The following SIPA1L3 variants were observed in gnomAD, a reference collection of about 807,000 sequenced individuals.
The protein encoded by SIPA1L3 is signal-induced proliferation-associated 1-like protein 3.
Under a neutral mutation model 150.1 loss-of-function variants are expected in SIPA1L3, and 59 were observed. The observed-to-expected ratio is 0.39, with a 90% CI of 0.32 to 0.49. SIPA1L3 has a LOEUF of 0.49. Ranked by LOEUF, SIPA1L3 falls within the 20% of genes least tolerant of loss-of-function variation. The pLI is 0.86. For synonymous variants in SIPA1L3, 1,070 were observed against 1,077.6 expected, an observed-to-expected ratio of 0.99 and a Z score of 0.14; for missense variants, 2,211 against 2,489.5, an observed-to-expected ratio of 0.89 and a Z score of 2.38.
intron 16 of SIPA1L3, among the ~76,000 whole-genome samples, chr19:38,191,205 G>T (rs1220720490): frequency 1.3e-5 from 2 of 150,912 alleles, no homozygotes; most frequent in Non-Finnish European, 3.0e-5. Context: ...CCAGGAGTTT[G>T]GGACTAGCCT....
Position 38,201,969 on chromosome 19 carries a change from C to T in SIPA1L3, c.5092C>T (p.Pro1698Ser). 6.2e-7 allele frequency: 1 copy of T among 1,613,428 alleles called. No homozygotes were observed. The highest frequency in any genetic ancestry group is 8.5e-7 in the Non-Finnish European group (1 of 1,179,726). Residue 1698 changes from proline (P) to serine (S), a missense_variant, in exon 20 of 22, where the codon CCG (proline) becomes TCG (serine). This residue lies in a region of SIPA1L3 where 806 missense variants were observed against 870.1 expected (regional missense o/e 0.93). Transcript: ENST00000222345. ...HSHLSLERGP[P>S]TPRTTPTMSE... ...CCACCTGAGCCTGGAGAGGGGACCC[C>T]CGACCCCCAGGACCACCCCTACCAT...
chr19:37,965,768 CTGA>C (rs1345178856), intron 1 of SIPA1L3, among the ~76,000 whole-genome samples: 1 of 129,650 alleles, frequency 7.7e-6, no homozygotes, highest in Non-Finnish European at 1.5e-5. Flanking sequence ...TGGAATTTTT[CTGA>C]TGTCGGTATC....
intron 9 of SIPA1L3, among the ~76,000 whole-genome samples, chr19:38,125,812 G>A: frequency 6.6e-6 from 1 of 152,186 alleles, no homozygotes; most frequent in East Asian, 1.9e-4. Context: ...GGCCAGTGCT[G>A]GGACATAGTG....
chr19:38,035,219 T>A (rs1968752983), intron 2 of SIPA1L3, among the ~76,000 whole-genome samples: 1 of 152,224 alleles, frequency 6.6e-6, no homozygotes, highest in Non-Finnish European at 1.5e-5. Flanking sequence ...ACAGCTCTCC[T>A]TTCTGAACTT....
chr19:38,004,497 T>G (rs979690515), intron 1 of SIPA1L3, among the ~76,000 whole-genome samples: 7 of 152,234 alleles, frequency 4.6e-5, no homozygotes, highest in African/African-American at 1.7e-4. Flanking sequence ...CTTCTGTCTC[T>G]TTATTGTTCC....
chr19:37,908,660 A>G (rs558820729), intron 1 of SIPA1L3, among the ~76,000 whole-genome samples: 2 of 151,936 alleles, frequency 1.3e-5, no homozygotes, highest in South Asian at 4.2e-4. Context: ...TTGTACCTAC[A>G]TGGCAGAGTG....
chr19:37,944,886 G>C (rs2046695672), intron 1 of SIPA1L3, among the ~76,000 whole-genome samples: 1 of 152,126 alleles, frequency 6.6e-6, no homozygotes. Context: ...GGAGGCGGAG[G>C]TTGGAGTAAG....
chr19:38,099,009 C>T (rs1223483685), intron 4 of SIPA1L3, among the ~76,000 whole-genome samples: 2 of 151,920 alleles, frequency 1.3e-5, no homozygotes, highest in South Asian at 4.2e-4. Flanking sequence ...CCTACCCTCC[C>T]TCCTTTCTTT....
intron 4 of SIPA1L3, among the ~76,000 whole-genome samples, chr19:38,092,641 G>A (rs1007500861): frequency 1.3e-5 from 2 of 152,176 alleles, no homozygotes; most frequent in Non-Finnish European, 2.9e-5. Flanking sequence ...CCATTCCACA[G>A]ACATTTGCTC....
intron 1 of SIPA1L3, among the ~76,000 whole-genome samples, chr19:37,942,335 AGGCT>A (rs1446697175): frequency 1.3e-5 from 2 of 151,736 alleles, no homozygotes; most frequent in African/African-American, 4.8e-5. Context: ...GGATTGTGGG[AGGCT>A]GGAAAACTGG....
intron 1 of SIPA1L3, among the ~76,000 whole-genome samples, chr19:37,973,596 GCACTCT>G (rs1966999403): frequency 1.3e-5 from 1 of 79,384 alleles, no homozygotes; most frequent in African/African-American, 8.2e-5. Context: ...ACGCCTCTCA[GCACTCT>G]GAGAGTGCTG....
At chr19:37,916,912 T>C (rs2046419139) in intron 1 of SIPA1L3, among the ~76,000 whole-genome samples, 1 of 151,650 alleles carries the variant, frequency 6.6e-6, no homozygotes, top group Non-Finnish European at 1.5e-5. Context: ...TGAGCCAAGA[T>C]TGCACCACTG....
chr19:37,999,011 A>C (rs548998677), intron 1 of SIPA1L3, among the ~76,000 whole-genome samples: 187 of 144,562 alleles, frequency 1.3e-3, no homozygotes, highest in Admixed American at 2.3e-3. Flanking sequence ...ACACACACAC[A>C]CCCACACACA....
chr19:37,923,800 C>T (rs2046477416), intron 1 of SIPA1L3, among the ~76,000 whole-genome samples: 2 of 151,392 alleles, frequency 1.3e-5, no homozygotes, highest in African/African-American at 2.4e-5. Context: ...CGTTCTGTTA[C>T]CCAGGCTGGA....
chr19:38,043,599 G>A (rs142696544), intron 2 of SIPA1L3, among the ~76,000 whole-genome samples: 37 of 152,262 alleles, frequency 2.4e-4, no homozygotes, highest in African/African-American at 6.5e-4. Flanking sequence ...TCATGCCACC[G>A]TATATATGAA....
intron 2 of SIPA1L3, among the ~76,000 whole-genome samples, chr19:38,040,782 T>A (rs4803689): frequency 0.81 from 123,119 of 152,246 alleles, 49,860 homozygotes; most frequent in Admixed American, 0.87. Flanking sequence ...TTTTTTTGAG[T>A]CGGAGTCTCG....
chr19:38,045,834 G>A (rs1036449199), intron 2 of SIPA1L3, among the ~76,000 whole-genome samples: 2 of 152,146 alleles, frequency 1.3e-5, no homozygotes, highest in Admixed American at 6.6e-5. Context: ...TGTTGGAGGA[G>A]CAGAGTGCGG....
At chr19:38,196,721 T>C (rs1421873267) in intron 18 of SIPA1L3, among the ~76,000 whole-genome samples, 2 of 136,304 alleles carry the variant, frequency 1.5e-5, no homozygotes, top group East Asian at 4.6e-4. Flanking sequence ...GGGAGGAACA[T>C]AGAGTCAAGG....
intron 1 of SIPA1L3, among the ~76,000 whole-genome samples, chr19:37,940,610 G>A (rs528987903): frequency 5.9e-5 from 9 of 152,164 alleles, no homozygotes; most frequent in South Asian, 4.1e-4. Flanking sequence ...GTTCATCTGC[G>A]TGTGAAGCCT....
Sources: allele counts gnomAD v4.1 joint callset (sites outside exome capture counted in the v4.1 genomes callset), GRCh38; gene constraint gnomAD v4.1.1; regional missense constraint gnomAD v4.1.1; transcripts MANE v1.5; gene names NCBI Gene and HGNC (gene_info 2026-07-23, HGNC 2026-07-21).